The following FARSB variants were observed in gnomAD, a reference collection of about 807,000 sequenced individuals.
FARSB encodes phenylalanine--tRNA ligase beta subunit.
FARSB carries 40 observed loss-of-function variants against 69.6 expected under a neutral mutation model. The ratio of observed to expected loss-of-function variants is 0.57; its 90% confidence interval spans 0.45 to 0.75. The LOEUF is 0.75. Among genes scored for constraint, FARSB ranks in the 30% least tolerant of loss-of-function variants. The pLI is 0.00. For missense variants in FARSB, 632 were observed against 722.9 expected, an observed-to-expected ratio of 0.87 and a Z score of 1.44; for synonymous variants, 235 against 247.2, an observed-to-expected ratio of 0.95 and a Z score of 0.46.
intron 16 of FARSB, among the ~76,000 whole-genome samples, chr2:222,582,679 C>A (rs1690001014): frequency 6.6e-6 from 1 of 152,106 alleles, no homozygotes; most frequent in South Asian, 2.1e-4. Flanking sequence ...AACCCCAGCA[C>A]TTTGGGAGGC....
At chr2:222,630,038 G>T in intron 9 of FARSB, 75 bp downstream of exon 9, 1 of 889,448 alleles carries the variant, frequency 1.1e-6, no homozygotes, top group Non-Finnish European at 1.8e-6. Flanking sequence ...ACCGCACCTG[G>T]CCTATCTTTA....
Position 222,597,341 on chromosome 2 carries a change from T to C in FARSB, c.1618+2587A>G, listed in dbSNP as rs538162203. 2.6e-5 allele frequency among the ~76,000 whole-genome samples: 4 copies of C among 152,154 alleles called. No homozygotes were observed. The East Asian group carries it at 7.7e-4, about 29-fold the overall frequency. On this transcript the variant is annotated intron_variant, in intron 16 of 16. Coordinates refer to ENST00000281828, the MANE Select transcript of FARSB (RefSeq NM_005687.5). ...AGTCTGAGTCTGTAAATATTCATGC[T>C]AAATCAAAAACCAAAATAACAACCT... is the stretch of plus-strand genomic sequence containing the variant.
rs924408689 is a variant in FARSB, at chr2:222,614,003, T to C, written c.1345-75A>G. On this transcript the variant is annotated intron_variant, in intron 14 of 16. Coordinates refer to ENST00000281828, the MANE Select transcript of FARSB (RefSeq NM_005687.5). ...GACACTTGGTTAAAGACAAAGACCA[T>C]GGCAGAAAGACTATGGCTTCATAGG... The C allele has an allele frequency of 3.0e-5, 25 of 824,594 alleles. No individual in the cohort carries two copies. In the Admixed American group the frequency reaches 5.0e-4, roughly 16 times the overall value. The allele number at this position is 824,594 out of a possible 1,614,324, so 51.1% of individuals were successfully genotyped here.
At chr2:222,628,163 G>A (rs529954064) in intron 10 of FARSB, among the ~76,000 whole-genome samples, 12 of 152,284 alleles carry the variant, frequency 7.9e-5, no homozygotes, top group East Asian at 5.8e-4. Flanking sequence ...GACTATGTTC[G>A]GAGGGCTGAG....
At chr2:222,619,097 C>T (rs2106214427) in intron 14 of FARSB, among the ~76,000 whole-genome samples, 1 of 150,900 alleles carries the variant, frequency 6.6e-6, no homozygotes, top group East Asian at 2.0e-4. Context: ...AGCCGAGATC[C>T]CGCCACTGCA....
At chr2:222,627,401 C>A (rs1399902875) in intron 10 of FARSB, among the ~76,000 whole-genome samples, 2 of 152,214 alleles carry the variant, frequency 1.3e-5, no homozygotes, top group South Asian at 2.1e-4. Flanking sequence ...GAGTTGTTGA[C>A]CCCACTGCCA....
At chr2:222,579,565 C>T (rs1181271374) in intron 16 of FARSB, among the ~76,000 whole-genome samples, 2 of 152,198 alleles carry the variant, frequency 1.3e-5, no homozygotes, top group Non-Finnish European at 2.9e-5. Flanking sequence ...ACACCATCTA[C>T]AAAGGCAAAG....
chr2:222,584,656 T>C (rs1559190371), intron 16 of FARSB, among the ~76,000 whole-genome samples: 1 of 152,182 alleles, frequency 6.6e-6, no homozygotes, highest in East Asian at 1.9e-4. Flanking sequence ...ACTGCCCTTT[T>C]CCAACAGTCT....
At position 222,599,966 on chromosome 2, in the gene FARSB, C is replaced by G. The variant is rs1262921604; in HGVS notation, c.1580G>C (p.Gly527Ala). The change falls in exon 16 of 17, where the codon GGT becomes GCT. Residue 527 changes from glycine (G) to alanine (A), a missense_variant. Coordinates refer to ENST00000281828, the MANE Select transcript of FARSB (RefSeq NM_005687.5). The stretch of plus-strand genomic sequence containing the variant: ...GATCACATATCCCCCCTTGTCTTCA[C>G]CAGGAGGCACATCGAGCAACTGCAT... Reference protein sequence around the residue: ...RIMQLLDVPPGEDKGGYVIKA... With the variant: ...RIMQLLDVPPAEDKGGYVIKA... 1.9e-6 allele frequency: 3 copies of G among 1,608,326 alleles called. No homozygotes were observed. The highest frequency in any genetic ancestry group is 2.5e-6 in the Non-Finnish European group (3 of 1,178,822).
chr2:222,652,853 T>C (rs2106019269), intron 1 of FARSB, among the ~76,000 whole-genome samples: 1 of 152,364 alleles, frequency 6.6e-6, no homozygotes. Flanking sequence ...TAATTTAGTA[T>C]GCAGTAATAG....
At chr2:222,649,721 G>T (rs1269717164) in intron 1 of FARSB, among the ~76,000 whole-genome samples, 1 of 152,196 alleles carries the variant, frequency 6.6e-6, no homozygotes, top group Non-Finnish European at 1.5e-5. Flanking sequence ...GAGACACAGT[G>T]AGTCTACAAT....
At chr2:222,577,335 G>A (rs751433061) in intron 16 of FARSB, among the ~76,000 whole-genome samples, 4 of 152,090 alleles carry the variant, frequency 2.6e-5, no homozygotes, top group Non-Finnish European at 5.9e-5. Flanking sequence ...GTAAAGAGAG[G>A]GGACCTAATC....
In FARSB at chr2:222,643,089, G is replaced by A. The variant is rs913512095; in HGVS notation, c.115-84C>T. On this transcript the variant is annotated intron_variant, in intron 2 of 16. Coordinates refer to ENST00000281828, the MANE Select transcript of FARSB (RefSeq NM_005687.5). ...TAAAAGTTGTCAGCCCTATAAGGCAGTAACTACATTATACATATTTTCTAT... is the reference window on the plus strand; with the variant it reads ...TAAAAGTTGTCAGCCCTATAAGGCAATAACTACATTATACATATTTTCTAT... The A allele has an allele frequency of 3.0e-5, 20 of 676,060 alleles. No homozygotes were observed. In the African/African-American group the frequency reaches 3.6e-4, roughly 12 times the overall value. The allele number at this position is 676,060 out of a possible 1,614,324, so 41.9% of individuals were successfully genotyped here.
intron 16 of FARSB, among the ~76,000 whole-genome samples, chr2:222,581,950 T>C (rs959753711): frequency 2.0e-5 from 3 of 152,220 alleles, no homozygotes; most frequent in African/African-American, 7.2e-5. Context: ...AAATAAGTCC[T>C]CTCAAGTGTT....
At chr2:222,572,997 C>T (rs1042707563) in intron 16 of FARSB, among the ~76,000 whole-genome samples, 1 of 152,172 alleles carries the variant, frequency 6.6e-6, no homozygotes. Context: ...AACACCCATG[C>T]AGAGCTGGGC....
rs775223598 is a variant in FARSB, at chr2:222,623,673, T to A, written c.1228A>T (p.Thr410Ser). 2 of 1,610,356 alleles carry A rather than the reference T, an allele frequency of 1.2e-6. No individual in the cohort carries two copies. The highest frequency in any genetic ancestry group is 1.7e-5 in the Admixed American group (1 of 60,006). ...LRHDMAAAGF[T>S]EALTFALCSQ... ...ACCAGGGCAAAGGTAAGTGCTTCAG[T>A]GAAGCCAGCGGCTGCCATGTCATGT... Residue 410 changes from threonine (T) to serine (S), a missense_variant, in exon 13 of 17, where the codon ACT (threonine) becomes TCT (serine). Transcript: ENST00000281828.
intron 16 of FARSB, among the ~76,000 whole-genome samples, chr2:222,584,923 A>T (rs927828620): frequency 6.6e-6 from 1 of 152,362 alleles, no homozygotes; most frequent in Non-Finnish European, 1.5e-5. Context: ...GACAGGGCAT[A>T]GCTGAACAAA....
chr2:222,624,733 T>C lies in FARSB; in HGVS notation c.943A>G (p.Asn315Asp). The C allele has an allele frequency of 6.2e-7, 1 of 1,606,150 alleles. No homozygotes were observed. The highest frequency in any genetic ancestry group is 8.5e-7 in the Non-Finnish European group (1 of 1,175,342). ...RKEMVRADLI[N>D]KKVGIRETPE... ...GCATACCTGATTCCAACTTTTTTGT[T>C]AATTAGGTCAGCTCTCACCATCTCC... Residue 315 changes from asparagine to aspartate, a missense_variant, in exon 11 of 17, where the codon AAC becomes GAC. Physicochemically the swap from Asn to Asp is conservative, Grantham distance 23 (BLOSUM62 1). Transcript: ENST00000281828.
intron 16 of FARSB, among the ~76,000 whole-genome samples, chr2:222,585,808 T>C (rs1402549057): frequency 6.6e-6 from 1 of 152,146 alleles, no homozygotes; most frequent in South Asian, 2.1e-4. Flanking sequence ...AAGAGAAGTT[T>C]AGAGAAAAAA....
Sources: gnomAD v4.1 joint callset for allele counts (sites outside exome capture counted in the v4.1 genomes callset) on GRCh38, gnomAD v4.1.1 for gene constraint, MANE v1.5 for transcripts, NCBI Gene and HGNC (gene_info 2026-07-23, HGNC 2026-07-21) for gene names.